The following POGZ variants were observed in gnomAD, a reference collection of about 807,000 sequenced individuals.
POGZ encodes pogo transposable element derived with ZNF domain, also known as pogo transposable element with ZNF domain.
A neutral mutation model predicts 134.6 loss-of-function variants in POGZ; 17 were observed. The observed-to-expected ratio is 0.13, with a 90% CI of 0.09 to 0.19. The LOEUF is 0.19. Ranked by LOEUF, POGZ falls within the 10% of genes least tolerant of loss-of-function variation. POGZ has a pLI of 1.00. For synonymous variants in POGZ, 693 were observed against 657.1 expected, an observed-to-expected ratio of 1.05 and a Z score of -0.84; for missense variants, 1,306 against 1,769.7, an observed-to-expected ratio of 0.74 and a Z score of 4.70.
Position 151,404,843 on chromosome 1 carries a change from A to G in POGZ, c.4192T>C (p.Tyr1398His), listed in dbSNP as rs1384279396. ...TCTAGGTCAGCTTCTTCAAAGCCATAGAAAGACTCGGTCTCACTTTCACCC... is the reference window on the plus strand; with the variant it reads ...TCTAGGTCAGCTTCTTCAAAGCCATGGAAAGACTCGGTCTCACTTTCACCC... ...FEGESETESFYGFEEADLDLM... is the reference protein window; with the variant it reads ...FEGESETESFHGFEEADLDLM... Residue 1398 changes from tyrosine (Y) to histidine (H), a missense_variant, in exon 19 of 19, where the codon TAT becomes CAT. This residue lies in a region of POGZ where 107 missense variants were observed against 97.9 expected (regional missense o/e 1.09). Coordinates refer to ENST00000271715, the MANE Select transcript of POGZ (RefSeq NM_015100.4). The G allele has an allele frequency of 6.2e-7, 1 of 1,613,522 alleles. No individual in the cohort carries two copies. The highest frequency in any genetic ancestry group is 1.7e-5 in the Admixed American group (1 of 59,962).
rs534896584 is a variant in POGZ, at chr1:151,421,567, G to A, written c.1678+1830C>T. On this transcript the variant is annotated intron_variant, in intron 10 of 18. Coordinates refer to ENST00000271715, the MANE Select transcript of POGZ (RefSeq NM_015100.4). ...TAAGAAAACAGATTCAAGAAAGAAA[G>A]ATGGGAAGATAAGATCTCTTCTTTG... Among the ~76,000 whole-genome samples, 14 of 152,336 alleles carry A rather than the reference G, an allele frequency of 9.2e-5. No individual in the cohort carries two copies. In the East Asian group the frequency reaches 2.3e-3, roughly 25 times the overall value.
chr1:151,436,224 C>T lies in POGZ; in HGVS notation c.283+4704G>A, dbSNP rs569609659. Among the ~76,000 whole-genome samples, 61 of 152,142 alleles carry T rather than the reference C, an allele frequency of 4.0e-4. 1 individual carries two copies. The highest frequency in any genetic ancestry group is 2.1e-4 in the South Asian group (1 of 4,830). On this transcript the variant is annotated intron_variant, in intron 3 of 18. Coordinates refer to ENST00000271715, the MANE Select transcript of POGZ (RefSeq NM_015100.4). ...CCGCCTGCCTTGGCTTCCCAAAGTGCTAGGATTACGGGCGTGAGCCACCGC... is the reference window on the plus strand; with the variant it reads ...CCGCCTGCCTTGGCTTCCCAAAGTGTTAGGATTACGGGCGTGAGCCACCGC...
chr1:151,440,944 T>C lies in POGZ; in HGVS notation c.267A>G (p.Leu89=), dbSNP rs1321284118. ...SDSTKKTLVT[L]IANNNAGNPL... ...CCCACTTACCATTGTTGTTGGCAAT[T>C]AGTGTGACAAGAGTCTTCTTTGTAC... Residue 89 remains leucine, a synonymous_variant, in exon 3 of 19, where the codon CTA becomes CTG. Transcript: ENST00000271715. The C allele has an allele frequency of 6.2e-7, 1 of 1,613,344 alleles. No individual in the cohort carries two copies. The highest frequency in any genetic ancestry group is 8.5e-7 in the Non-Finnish European group (1 of 1,179,526).
chr1:151,423,960 T>G lies in POGZ; in HGVS notation c.1512A>C (p.Lys504Asn), dbSNP rs772333607. 5 of 1,613,366 alleles carry G rather than the reference T, an allele frequency of 3.1e-6. No individual in the cohort carries two copies. ...FRCPHCTKRLKNNIRFMNHMK... is the reference protein window; with the variant it reads ...FRCPHCTKRLNNNIRFMNHMK... ...TCTTAAACACTTACCGAATATTGTT[T>G]TTTAGCCTTTTGGTACAATGTGGGC... The change falls in exon 9 of 19, where the codon AAA becomes AAC. Residue 504 changes from lysine (K) to asparagine (N), a missense_variant. Physicochemically the swap from Lys to Asn is moderately conservative, Grantham distance 94. Transcript: ENST00000271715.
rs899246142 is a variant in POGZ at position 151,408,514 on chromosome 1, C to T, written c.2129G>A (p.Ser710Asn). ...CAGCGGTGCTGCCTCCTGCAAGGCGCTGGGAGGTGTATCATTAGAGGATAC... is the reference window on the plus strand; with the variant it reads ...CAGCGGTGCTGCCTCCTGCAAGGCGTTGGGAGGTGTATCATTAGAGGATAC... ...VPVSSNDTPP[S>N]ALQEAAPLTS... Residue 710 changes from serine to asparagine, a missense_variant, in exon 14 of 19, where the codon AGC (serine) becomes AAC (asparagine). Coordinates refer to ENST00000271715, the MANE Select transcript of POGZ (RefSeq NM_015100.4). The T allele has an allele frequency of 1.3e-6, 2 of 1,597,796 alleles. No individual in the cohort carries two copies. The highest frequency in any genetic ancestry group is 1.7e-6 in the Non-Finnish European group (2 of 1,176,058).
intron 1 of POGZ, among the ~76,000 whole-genome samples, chr1:151,452,495 T>G (rs12068368): frequency 2.6e-5 from 4 of 151,760 alleles, no homozygotes; most frequent in Non-Finnish European, 5.9e-5. Flanking sequence ...TCACTACAGG[T>G]GGGCTATTTT....
Position 151,403,392 on chromosome 1 carries a change from T to C in POGZ, c.*1410A>G, listed in dbSNP as rs972739317. ...CTCATTTTATTAAATGTTCCACTTA[T>C]GTACATTTTAAAGACGAACCATTTA... On this transcript the variant is annotated 3_prime_UTR_variant, in exon 19 of 19. Transcript: ENST00000271715. 11 of 984,900 alleles carry C rather than the reference T, an allele frequency of 1.1e-5. No individual in the cohort carries two copies. Among genetic ancestry groups the C allele is most frequent in the African/African-American group, 1.7e-5 (1 of 57,218 alleles). The allele number at this position is 984,900 out of a possible 1,614,324, so 61.0% of individuals were successfully genotyped here.
chr1:151,455,470 T>C (rs529829098), intron 1 of POGZ, among the ~76,000 whole-genome samples: 18 of 152,342 alleles, frequency 1.2e-4, no homozygotes, highest in South Asian at 2.1e-4. Flanking sequence ...AGCAGAAACA[T>C]AGGACTGACT....
chr1:151,444,827 G>A (rs1188734835), intron 1 of POGZ, among the ~76,000 whole-genome samples: 1 of 152,122 alleles, frequency 6.6e-6, no homozygotes, highest in African/African-American at 2.4e-5. Context: ...ACTCCAGCTT[G>A]GGTAGCACAG....
At chr1:151,417,108 G>A (rs540924737) in intron 10 of POGZ, among the ~76,000 whole-genome samples, 2 of 151,122 alleles carry the variant, frequency 1.3e-5, no homozygotes, top group African/African-American at 4.9e-5. Context: ...TCTGTCGCCA[G>A]GGTGGAGTGC....
intron 10 of POGZ, among the ~76,000 whole-genome samples, chr1:151,417,688 C>CA: frequency 1.5e-5 from 2 of 137,566 alleles, no homozygotes; most frequent in Middle Eastern, 7.1e-3. Flanking sequence ...GGTACTGTGG[C>CA]CACACACACA....
At chr1:151,451,940 T>C (rs1449545220) in intron 1 of POGZ, among the ~76,000 whole-genome samples, 1 of 151,044 alleles carries the variant, frequency 6.6e-6, no homozygotes, top group Admixed American at 6.7e-5. Flanking sequence ...CTACTAAAAA[T>C]ACAAAAATTA....
At chr1:151,415,956 G>A (rs555355106) in intron 10 of POGZ, among the ~76,000 whole-genome samples, 1 of 152,166 alleles carries the variant, frequency 6.6e-6, no homozygotes, top group African/African-American at 2.4e-5. Context: ...GCTCACGCCT[G>A]TAATCTCAGA....
chr1:151,407,897 A>G (rs1415491721), intron 15 of POGZ, among the ~76,000 whole-genome samples: 1 of 151,880 alleles, frequency 6.6e-6, no homozygotes, highest in Non-Finnish European at 1.5e-5. Context: ...CTATAATCCC[A>G]GCTACTTGGG....
At position 151,404,203 on chromosome 1, in the gene POGZ, A is replaced by AGG; in HGVS notation, c.*598_*599insCC. ...GGAAAGAAAAGGAGAAGGAAGAGAGAGTTCAGTGGGACTTTTTTTCCATTT... is the reference window on the plus strand; with the variant it reads ...GGAAAGAAAAGGAGAAGGAAGAGAGAGGGTTCAGTGGGACTTTTTTTCCATTT... On this transcript the variant is annotated 3_prime_UTR_variant, in exon 19 of 19. Coordinates refer to ENST00000271715, the MANE Select transcript of POGZ (RefSeq NM_015100.4). The AGG allele has an allele frequency of 4.1e-6, 4 of 985,706 alleles. No homozygotes were observed. In the South Asian group the frequency reaches 1.9e-4, roughly 46 times the overall value. The allele number at this position is 985,706 out of a possible 1,614,324, so 61.1% of individuals were successfully genotyped here. A position where few individuals can be genotyped will look rare whatever the true frequency, so the allele number is the denominator to read the frequency against.
At chr1:151,406,524 CA>C in intron 18 of POGZ, 60 bp from the exon 19 acceptor site, 1 of 1,544,302 alleles carries the variant, frequency 6.5e-7, no homozygotes, top group Non-Finnish European at 8.7e-7. Flanking sequence ...GAAATTGAAA[CA>C]ATAATATGAT....
In POGZ at chr1:151,424,137, T is replaced by C. The variant is rs760181550; in HGVS notation, c.1335A>G (p.Ser445=). The C allele has an allele frequency of 1.2e-6, 2 of 1,613,988 alleles. No homozygotes were observed. The highest frequency in any genetic ancestry group is 2.7e-5 in the African/African-American group (2 of 74,900). ...TPSSTPIPAL[S]PPTKVPEPNE... The stretch of plus-strand genomic sequence containing the variant: ...TTGGTTCTGGTACTTTGGTAGGCGG[T>C]GACAGAGCAGGAATAGGTGTAGAAG... Residue 445 remains serine (S), a synonymous_variant, in exon 9 of 19, where the codon TCA becomes TCG. Transcript: ENST00000271715.
intron 5 of POGZ, among the ~76,000 whole-genome samples, 180 bp from the exon 6 acceptor site, chr1:151,428,593 T>C (rs1414826795): frequency 3.3e-5 from 5 of 152,142 alleles, no homozygotes; most frequent in African/African-American, 1.2e-4. Context: ...CAAAATAACC[T>C]GGGCAGCCTA....
At chr1:151,443,501 G>C (rs1460278022) in intron 1 of POGZ, among the ~76,000 whole-genome samples, 1 of 152,182 alleles carries the variant, frequency 6.6e-6, no homozygotes, top group Non-Finnish European at 1.5e-5. Context: ...GATCACCTGA[G>C]ATCGGGAGTT....
Sources: gnomAD v4.1 joint callset for allele counts (sites outside exome capture counted in the v4.1 genomes callset) on GRCh38, gnomAD v4.1.1 for gene constraint, gnomAD v4.1.1 regional missense constraint, MANE v1.5 for transcripts, NCBI Gene and HGNC (gene_info 2026-07-23, HGNC 2026-07-21) for gene names.